Variants in PDGFC observed in about 807,000 individuals in gnomAD.
The protein encoded by PDGFC is platelet derived growth factor C, also known as platelet-derived growth factor C.
Under a neutral mutation model 35.5 loss-of-function variants are expected in PDGFC, and 12 were observed. That is an observed-to-expected ratio of 0.34 (90% CI 0.22 to 0.55). PDGFC has a LOEUF of 0.55. PDGFC is among the 20% of genes least tolerant of loss of function. The pLI is 0.91. For synonymous variants in PDGFC, 159 were observed against 148.8 expected (o/e 1.07, Z -0.50); for missense variants, 322 against 412.4 (o/e 0.78, Z 1.90).
At chr4:156,929,074 C>G (rs17035451) in intron 1 of PDGFC, among the ~76,000 whole-genome samples, 14,561 of 152,058 alleles carry the variant, frequency 0.096, 2,089 homozygotes, top group African/African-American at 0.31. Flanking sequence ...GGGTCAGCTG[C>G]GAGCAATAGT....
At chr4:156,930,264 T>G (rs1309661468) in intron 1 of PDGFC, among the ~76,000 whole-genome samples, 1 of 152,290 alleles carries the variant, frequency 6.6e-6, no homozygotes, top group East Asian at 1.9e-4. Flanking sequence ...GGCAGACCTG[T>G]GTAAAAATAA....
intron 3 of PDGFC, among the ~76,000 whole-genome samples, chr4:156,796,144 T>A (rs377364337): frequency 1.3e-4 from 20 of 152,114 alleles, no homozygotes; most frequent in African/African-American, 4.8e-4. Context: ...GATTATAAAA[T>A]CACCTACTTC....
At chr4:156,836,008 C>G (rs1213214936) in intron 2 of PDGFC, 1 of 152,128 alleles carries the variant, frequency 6.6e-6, no homozygotes, top group Non-Finnish European at 1.5e-5. Context: ...TACTGATAAC[C>G]TAAACATGTT....
chr4:156,820,698 C>G (rs1293883106), intron 2 of PDGFC, among the ~76,000 whole-genome samples: 2 of 151,934 alleles, frequency 1.3e-5, no homozygotes, highest in Non-Finnish European at 2.9e-5. Flanking sequence ...CTAAGAATGA[C>G]CCTTCAGAAT....
intron 1 of PDGFC, among the ~76,000 whole-genome samples, chr4:156,905,363 G>A (rs1384974281): frequency 6.6e-6 from 1 of 151,950 alleles, no homozygotes; most frequent in Non-Finnish European, 1.5e-5. Context: ...GCCTCATAGT[G>A]ACCATAATAT....
At chr4:156,857,825 C>A (rs1200733278) in intron 1 of PDGFC, among the ~76,000 whole-genome samples, 3 of 151,994 alleles carry the variant, frequency 2.0e-5, no homozygotes, top group Non-Finnish European at 2.9e-5. Flanking sequence ...CGAACTCCTG[C>A]ACCCATTTAG....
intron 2 of PDGFC, among the ~76,000 whole-genome samples, chr4:156,843,595 C>T (rs1252109335): frequency 1.3e-5 from 2 of 152,146 alleles, no homozygotes; most frequent in East Asian, 3.9e-4. Context: ...TAGTAGGGTT[C>T]CCACAACATA....
At chr4:156,878,988 T>C (rs1022442220) in intron 1 of PDGFC, among the ~76,000 whole-genome samples, 1 of 152,206 alleles carries the variant, frequency 6.6e-6, no homozygotes, top group African/African-American at 2.4e-5. Context: ...ACTTTAAATC[T>C]TCTCAACCAT....
intron 1 of PDGFC, among the ~76,000 whole-genome samples, chr4:156,882,581 C>A (rs1389235739): frequency 6.6e-6 from 1 of 152,290 alleles, no homozygotes; most frequent in Middle Eastern, 3.4e-3. Context: ...TCACCCATAA[C>A]ACTTGTAAAG....
intron 1 of PDGFC, among the ~76,000 whole-genome samples, chr4:156,947,958 G>A (rs574047161): frequency 7.4e-4 from 113 of 151,934 alleles, no homozygotes; most frequent in African/African-American, 2.6e-3. Context: ...ACAGTTTCTC[G>A]ATCTGCTAGT....
chr4:156,845,034 T>C (rs1179670764), intron 2 of PDGFC, among the ~76,000 whole-genome samples: 1 of 151,962 alleles, frequency 6.6e-6, no homozygotes, highest in Non-Finnish European at 1.5e-5. Flanking sequence ...GAAGCAATTA[T>C]TAAATTTCAA....
At chr4:156,803,447 G>A (rs768223575) in intron 3 of PDGFC, among the ~76,000 whole-genome samples, 30 of 152,108 alleles carry the variant, frequency 2.0e-4, no homozygotes, top group Non-Finnish European at 4.3e-4. Context: ...GGAAATATCT[G>A]TATGTGTGGT....
At chr4:156,793,733 G>C (rs867957714) in intron 3 of PDGFC, among the ~76,000 whole-genome samples, 13 of 151,492 alleles carry the variant, frequency 8.6e-5, no homozygotes, top group Admixed American at 6.6e-4. Context: ...ACACATACTT[G>C]TTGACTACCA....
chr4:156,919,340 G>A (rs1731221551), intron 1 of PDGFC, among the ~76,000 whole-genome samples: 1 of 152,114 alleles, frequency 6.6e-6, no homozygotes. Context: ...ATCTTAATCT[G>A]AGTAGAGAAT....
Position 156,798,163 on chromosome 4 carries a change from G to A in PDGFC, c.495+12674C>T, listed in dbSNP as rs1414520277. Among the ~76,000 whole-genome samples, 3 of 152,296 alleles carry A rather than the reference G, an allele frequency of 2.0e-5. No homozygotes were observed. The East Asian group carries it at 5.8e-4, about 29-fold the overall frequency. On this transcript the variant is annotated intron_variant, in intron 3 of 5. Coordinates refer to ENST00000502773, the MANE Select transcript of PDGFC (RefSeq NM_016205.3). ...GCCGAGATTGCAACACTGCACTCCA[G>A]CTTGGGCGACAGAGCGAGACTCCGT...
chr4:156,809,543 T>C (rs939528539), intron 3 of PDGFC, among the ~76,000 whole-genome samples: 2 of 151,994 alleles, frequency 1.3e-5, no homozygotes, highest in African/African-American at 4.8e-5. Context: ...TGAGAGACTA[T>C]TATGTGCTCA....
intron 3 of PDGFC, among the ~76,000 whole-genome samples, chr4:156,790,278 T>C (rs1020236909): frequency 3.9e-5 from 6 of 152,202 alleles, no homozygotes; most frequent in Non-Finnish European, 5.9e-5. Flanking sequence ...GTGAAGGTCA[T>C]AAAATTATTG....
intron 1 of PDGFC, among the ~76,000 whole-genome samples, chr4:156,908,863 C>T (rs1377085310): frequency 1.3e-5 from 2 of 151,890 alleles, no homozygotes; most frequent in African/African-American, 2.4e-5. Context: ...TGGTTGAACA[C>T]AATGTGGCAT....
At chr4:156,889,054 G>A (rs1373331393) in intron 1 of PDGFC, among the ~76,000 whole-genome samples, 1 of 152,136 alleles carries the variant, frequency 6.6e-6, no homozygotes, top group Non-Finnish European at 1.5e-5. Flanking sequence ...ACTACCACGT[G>A]CTGAAGAATT....
Sources: allele counts gnomAD v4.1 joint callset (sites outside exome capture counted in the v4.1 genomes callset), GRCh38; gene constraint gnomAD v4.1.1; transcripts MANE v1.5; gene names NCBI Gene and HGNC (gene_info 2026-07-23, HGNC 2026-07-21).